Variants in HHIPL2 observed in about 807,000 individuals in gnomAD.
HHIPL2 encodes HHIP-like protein 2.
In HHIPL2, 61 loss-of-function variants were observed where a neutral mutation model predicts 61.0. The ratio of observed to expected loss-of-function variants is 1.00; its 90% CI spans 0.81 to 1.24. The LOEUF (loss-of-function observed/expected upper bound fraction) is 1.24, where lower values mean the gene tolerates loss of function less well. Among genes scored for constraint, HHIPL2 ranks in the 50% most tolerant of loss-of-function variants. The pLI is 0.00. For missense variants in HHIPL2, 885 were observed against 910.2 expected (o/e 0.97, Z 0.36); for synonymous variants, 343 against 357.4 (o/e 0.96, Z 0.45).
intron 5 of HHIPL2, among the ~76,000 whole-genome samples, chr1:222,534,577 T>TAAA (rs67437927): frequency 4.1e-5 from 3 of 72,666 alleles, no homozygotes; most frequent in Admixed American, 1.7e-4. Flanking sequence ...ACTCCATCTC[T>TAAA]AAAAAAAAAA....
At chr1:222,541,087 TA>T (rs1481078040) in intron 3 of HHIPL2, among the ~76,000 whole-genome samples, 39 of 152,318 alleles carry the variant, frequency 2.6e-4, no homozygotes, top group African/African-American at 9.1e-4. Context: ...AATATATAGC[TA>T]GATACATATT....
At chr1:222,523,761 C>T (rs1199426785) in intron 7 of HHIPL2, 67 bp from the exon 8 acceptor site, 2 of 1,462,948 alleles carry the variant, frequency 1.4e-6, no homozygotes, top group African/African-American at 2.8e-5. Flanking sequence ...ATCAAGGTTA[C>T]CAGAGGGCGT....
At chr1:222,524,555 G>A (rs1308688542) in intron 7 of HHIPL2, among the ~76,000 whole-genome samples, 1 of 152,200 alleles carries the variant, frequency 6.6e-6, no homozygotes, top group Non-Finnish European at 1.5e-5. Context: ...GGAAACTGAG[G>A]CTCGCACAGG....
intron 5 of HHIPL2, among the ~76,000 whole-genome samples, chr1:222,533,595 C>A (rs1055564686): frequency 2.0e-5 from 3 of 152,150 alleles, no homozygotes; most frequent in African/African-American, 7.2e-5. Context: ...TCTTTTCTAA[C>A]AGGGACCAGA....
In HHIPL2 at chr1:222,543,707, G is replaced by T. The variant is rs992818652; in HGVS notation, c.804C>A (p.Ile268=). Residue 268 remains isoleucine (I), a synonymous_variant, in exon 2 of 9, where the codon ATC becomes ATA. Transcript: ENST00000343410. ...ACCCCAAGAAGCCTCTCTCATCCCC[G>T]ATCCATGGGGTGGTCAACACGATGT... ...LKNIVLTTPW[I]GDERGFLGLA... 6.2e-7 allele frequency: 1 copy of T among 1,614,042 alleles called. No homozygotes were observed. Among genetic ancestry groups the T allele is most frequent in the African/African-American group, 1.3e-5 (1 of 74,912 alleles).
intron 2 of HHIPL2, 138 bp from the exon 3 acceptor site, chr1:222,542,293 A>T: frequency 1.1e-6 from 1 of 900,602 alleles, no homozygotes; most frequent in Middle Eastern, 2.3e-4. Context: ...GTTTTTAAGG[A>T]TCACAAAGCA....
rs536589280 is a variant in HHIPL2 at position 222,532,036 on chromosome 1, C to A, written c.1653G>T (p.Thr551=). 8 of 1,613,858 alleles carry A rather than the reference C, an allele frequency of 5.0e-6. No homozygotes were observed. Among genetic ancestry groups the A allele is most frequent in the Non-Finnish European group, 6.8e-6 (8 of 1,179,750 alleles). The part of the protein sequence containing the change: ...KKQDLCLGST[T]SCAFPGLIST... ...TGATCAGCCCTGGGAAGGCACAGGA[C>A]GTGGTGCTGCCCAGGCAAAGATCCT... Residue 551 remains threonine, a synonymous_variant, in exon 6 of 9, where the codon ACG becomes ACT. Transcript: ENST00000343410.
At chr1:222,526,881 C>A (rs576409222) in intron 7 of HHIPL2, 88 bp downstream of exon 7, 1 of 1,035,922 alleles carries the variant, frequency 9.7e-7, no homozygotes, top group African/African-American at 1.6e-5. Flanking sequence ...GAGTTTGCTT[C>A]GGGACAATGA....
intron 5 of HHIPL2, among the ~76,000 whole-genome samples, chr1:222,533,963 T>A (rs1659245680): frequency 1.3e-5 from 2 of 152,174 alleles, no homozygotes; most frequent in Non-Finnish European, 2.9e-5. Context: ...CAACAGCAGA[T>A]ACATGTGAGA....
chr1:222,544,309 T>C (rs1209793245), intron 1 of HHIPL2, 120 bp from the exon 2 acceptor site: 1 of 1,080,084 alleles, frequency 9.3e-7, no homozygotes, highest in East Asian at 2.4e-5. Flanking sequence ...GATTTTGGAG[T>C]TTTTGTTACC....
chr1:222,524,795 G>A (rs2102608164), intron 7 of HHIPL2, among the ~76,000 whole-genome samples: 1 of 152,312 alleles, frequency 6.6e-6, no homozygotes, highest in East Asian at 1.9e-4. Context: ...AGCAGAATCT[G>A]GTCCACTTAT....
rs1558124822 is a variant in HHIPL2 at position 222,522,846 on chromosome 1, C to G, written c.1930G>C (p.Ala644Pro). ...DLLKEQSEKA[A>P]RKSSSATLAS... ...AAGGTTGCACTGGAAGATTTTCTAG[C>G]AGCTTTCTCTGATTGTTCCTTTAGC... Residue 644 changes from alanine to proline, a missense_variant, in exon 9 of 9, where the codon GCT becomes CCT. Coordinates refer to ENST00000343410, the MANE Select transcript of HHIPL2 (RefSeq NM_024746.4). 6.2e-7 allele frequency: 1 copy of G among 1,614,188 alleles called. No individual in the cohort carries two copies. Among genetic ancestry groups the G allele is most frequent in the Non-Finnish European group, 8.5e-7 (1 of 1,180,030 alleles).
chr1:222,539,563 G>GA (rs1172728703), intron 4 of HHIPL2, among the ~76,000 whole-genome samples: 4 of 137,356 alleles, frequency 2.9e-5, no homozygotes, highest in Admixed American at 7.2e-5. Context: ...AGAAAGAAAA[G>GA]AAAAAAAAAG....
At chr1:222,523,104 G>GT (rs1178970444) in intron 8 of HHIPL2, among the ~76,000 whole-genome samples, 1 of 151,994 alleles carries the variant, frequency 6.6e-6, no homozygotes, top group Non-Finnish European at 1.5e-5. Flanking sequence ...TCCTTCCTCT[G>GT]TAAGTCTTTC....
chr1:222,530,940 A>T (rs1300216994), intron 6 of HHIPL2, among the ~76,000 whole-genome samples: 2 of 152,326 alleles, frequency 1.3e-5, no homozygotes, highest in Admixed American at 1.3e-4. Flanking sequence ...AGAAATATTT[A>T]AAATTCGAAA....
intron 5 of HHIPL2, among the ~76,000 whole-genome samples, chr1:222,537,112 G>C (rs1659316823): frequency 6.6e-6 from 1 of 151,988 alleles, no homozygotes; most frequent in Non-Finnish European, 1.5e-5. Context: ...GACTGCTCTA[G>C]CAATTTTTAA....
intron 1 of HHIPL2, among the ~76,000 whole-genome samples, chr1:222,546,211 C>T (rs1402948313): frequency 6.6e-6 from 1 of 152,154 alleles, no homozygotes; most frequent in Non-Finnish European, 1.5e-5. Flanking sequence ...CTCAGAAAAC[C>T]GTTAAGTAAA....
chr1:222,536,170 A>G (rs562050683), intron 5 of HHIPL2, among the ~76,000 whole-genome samples: 132 of 152,218 alleles, frequency 8.7e-4, no homozygotes, highest in African/African-American at 3.1e-3. Context: ...AGAAAAAAAC[A>G]TTAAAATAAC....
chr1:222,526,705 CAAAAAAAAAA>C (rs1187186640), intron 7 of HHIPL2, among the ~76,000 whole-genome samples: 1 of 54,282 alleles, frequency 1.8e-5, no homozygotes, highest in Non-Finnish European at 3.6e-5. Flanking sequence ...AACTCCATCT[CAAAAAAAAAA>C]AAAAAAAAAA....
Sources: gnomAD v4.1 joint callset for allele counts (sites outside exome capture counted in the v4.1 genomes callset) on GRCh38, gnomAD v4.1.1 for gene constraint, MANE v1.5 for transcripts, NCBI Gene and HGNC (gene_info 2026-07-23, HGNC 2026-07-21) for gene names.